Variants in GHR observed in about 807,000 individuals in gnomAD.
GHR encodes the protein GH receptor.
A neutral mutation model predicts 67.1 loss-of-function variants in GHR; 35 were observed. The ratio of observed to expected loss-of-function variants is 0.52; its 90% CI spans 0.40 to 0.69. GHR has a LOEUF of 0.69. Ranked by LOEUF, GHR falls within the 30% of genes least tolerant of loss-of-function variation. The pLI, the probability that GHR is intolerant of heterozygous loss-of-function variation, is 0.00. For synonymous variants in GHR, 272 were observed against 269.1 expected (o/e 1.01, Z -0.10); for missense variants, 792 against 764.6 (o/e 1.04, Z -0.42).
chr5:42,540,183 TTC>T (rs57962722), intron 1 of GHR, among the ~76,000 whole-genome samples: 30,306 of 144,294 alleles, frequency 0.21, 3,171 homozygotes, highest in Middle Eastern at 0.28. Flanking sequence ...TGTTACTGTA[TTC>T]TCTCTCTCTC....
intron 1 of GHR, among the ~76,000 whole-genome samples, chr5:42,456,256 A>G (rs1744255415): frequency 6.6e-6 from 1 of 152,240 alleles, no homozygotes; most frequent in Non-Finnish European, 1.5e-5. Flanking sequence ...GGTGGCAGTG[A>G]GCCGAGATCG....
intron 3 of GHR, among the ~76,000 whole-genome samples, chr5:42,638,543 A>G (rs73751226): frequency 0.026 from 3,904 of 152,288 alleles, 179 homozygotes; most frequent in African/African-American, 0.088. Context: ...TCTATACAGC[A>G]TGTTACTGTA....
intron 3 of GHR, among the ~76,000 whole-genome samples, chr5:42,668,269 G>T (rs1201622132): frequency 6.6e-6 from 1 of 152,096 alleles, no homozygotes; most frequent in Non-Finnish European, 1.5e-5. Flanking sequence ...ATTTCACTCG[G>T]TACATATTTA....
At chr5:42,664,970 T>C (rs979311808) in intron 3 of GHR, among the ~76,000 whole-genome samples, 1 of 152,204 alleles carries the variant, frequency 6.6e-6, no homozygotes, top group Non-Finnish European at 1.5e-5. Flanking sequence ...AAGACATTTA[T>C]GCAGCCAAAA....
At chr5:42,474,295 G>GGGAAAGAAAGAAAGAAAGAA (rs1745162037) in intron 1 of GHR, among the ~76,000 whole-genome samples, 1 of 81,070 alleles carries the variant, frequency 1.2e-5, no homozygotes, top group Non-Finnish European at 2.4e-5. Flanking sequence ...AAAAGAGAAA[G>GGGAAAGAAAGAAAGAAAGAA]AGAAAGAAAG....
rs529344538 is a variant in GHR, at chr5:42,647,194, G to A, written c.136+18091G>A. ...AAAACACTGAGCTGTACTGTGCAAA[G>A]TTTAAGGCGGAATTGTGGGTCCCTT... On this transcript the variant is annotated intron_variant, in intron 3 of 9. Coordinates refer to ENST00000230882, the MANE Select transcript of GHR (RefSeq NM_000163.5). 5.3e-5 allele frequency among the ~76,000 whole-genome samples: 8 copies of A among 152,212 alleles called. No individual in the cohort carries two copies. In the South Asian group the frequency reaches 1.7e-3, roughly 32 times the overall value.
chr5:42,491,683 A>C (rs1214376690), intron 1 of GHR, among the ~76,000 whole-genome samples: 2 of 152,234 alleles, frequency 1.3e-5, no homozygotes, highest in African/African-American at 4.8e-5. Flanking sequence ...ATGAAACAGA[A>C]TATGGAAAGT....
intron 1 of GHR, among the ~76,000 whole-genome samples, chr5:42,477,452 C>T (rs1175903122): frequency 2.6e-5 from 4 of 152,174 alleles, no homozygotes; most frequent in African/African-American, 7.2e-5. Context: ...CCTGAGGAAT[C>T]GCCACACTGA....
chr5:42,551,657 C>T lies in GHR; in HGVS notation c.-11-14207C>T, dbSNP rs542555510. Among the ~76,000 whole-genome samples the T allele has an allele frequency of 3.9e-5, 6 of 152,246 alleles. No individual in the cohort carries two copies. In the South Asian group the frequency reaches 1.0e-3, roughly 26 times the overall value. On this transcript the variant is annotated intron_variant, in intron 1 of 9. Coordinates refer to ENST00000230882, the MANE Select transcript of GHR (RefSeq NM_000163.5). ...GAAATAGAAGAAATGAATCTGCATG[C>T]TCATAATGTAGGGATCAGAAGCAGG...
At chr5:42,656,950 CT>C (rs1260056149) in intron 3 of GHR, among the ~76,000 whole-genome samples, 1 of 151,872 alleles carries the variant, frequency 6.6e-6, no homozygotes, top group African/African-American at 2.4e-5. Context: ...TTCTTTTTTT[CT>C]GGTTTCTTAT....
At chr5:42,543,212 T>C (rs907931892) in intron 1 of GHR, among the ~76,000 whole-genome samples, 3 of 152,142 alleles carry the variant, frequency 2.0e-5, no homozygotes, top group Non-Finnish European at 4.4e-5. Flanking sequence ...AATTTCCATA[T>C]TGTTTTCCAT....
chr5:42,617,600 T>A (rs1190102334), intron 2 of GHR, among the ~76,000 whole-genome samples: 1 of 152,108 alleles, frequency 6.6e-6, no homozygotes. Context: ...GTCAGCACAA[T>A]AAATACTGTG....
intron 1 of GHR, among the ~76,000 whole-genome samples, chr5:42,501,014 A>G (rs1050313001): frequency 1.3e-5 from 2 of 152,198 alleles, no homozygotes; most frequent in African/African-American, 4.8e-5. Flanking sequence ...CTGGCTCATT[A>G]TCTGGAAGCT....
intron 3 of GHR, among the ~76,000 whole-genome samples, chr5:42,656,438 G>T (rs1297900471): frequency 1.3e-5 from 2 of 152,060 alleles, no homozygotes; most frequent in African/African-American, 4.8e-5. Flanking sequence ...GCCAGCTCTT[G>T]TTAATGTTCT....
intron 1 of GHR, among the ~76,000 whole-genome samples, chr5:42,521,580 AT>A (rs1407584073): frequency 6.6e-6 from 1 of 152,184 alleles, no homozygotes; most frequent in Non-Finnish European, 1.5e-5. Context: ...AAAGCTTTAC[AT>A]TTTCATCTGC....
intron 2 of GHR, among the ~76,000 whole-genome samples, chr5:42,613,234 T>C (rs1752973415): frequency 6.6e-6 from 1 of 152,104 alleles, no homozygotes; most frequent in Non-Finnish European, 1.5e-5. Flanking sequence ...CTGACCGAGT[T>C]TGTAATGACT....
intron 2 of GHR, among the ~76,000 whole-genome samples, chr5:42,582,369 A>G (rs1751224623): frequency 1.3e-5 from 2 of 152,316 alleles, no homozygotes; most frequent in African/African-American, 4.8e-5. Context: ...CCATGGACCA[A>G]TAAGCACACC....
chr5:42,453,101 G>A (rs1744119372), intron 1 of GHR, among the ~76,000 whole-genome samples: 1 of 151,364 alleles, frequency 6.6e-6, no homozygotes, highest in Admixed American at 6.6e-5. Context: ...AGACTCTAAT[G>A]TTTATTTTAG....
chr5:42,483,270 T>C (rs1230802055), intron 1 of GHR, among the ~76,000 whole-genome samples: 11 of 152,136 alleles, frequency 7.2e-5, no homozygotes, highest in Non-Finnish European at 7.4e-5. Context: ...CAGGCTGATC[T>C]CCAACACCTG....
Sources: gnomAD v4.1 joint callset for allele counts (sites outside exome capture counted in the v4.1 genomes callset) on GRCh38, gnomAD v4.1.1 for gene constraint, MANE v1.5 for transcripts, NCBI Gene and HGNC (gene_info 2026-07-23, HGNC 2026-07-21) for gene names.